SLC2A13: variants seen among roughly 807,000 people sequenced by gnomAD.
The protein encoded by SLC2A13 is solute carrier family 2 member 13, also known as proton myo-inositol cotransporter.
Under a neutral mutation model 64.4 loss-of-function variants are expected in SLC2A13, and 32 were observed. The ratio of observed to expected loss-of-function variants is 0.50; its 90% CI spans 0.37 to 0.67. SLC2A13 has a LOEUF of 0.67. SLC2A13 is among the 30% of genes least tolerant of loss of function. The probability of loss-of-function intolerance (pLI) is 0.00; values close to 1 mark genes in which losing one functional copy is unlikely to be tolerated. For missense variants in SLC2A13, 743 were observed against 829.2 expected, an observed-to-expected ratio of 0.90 and a Z score of 1.28; for synonymous variants, 338 against 327.1, an observed-to-expected ratio of 1.03 and a Z score of -0.36.
intron 3 of SLC2A13, among the ~76,000 whole-genome samples, chr12:39,953,785 A>T (rs1184745016): frequency 6.6e-6 from 1 of 152,176 alleles, no homozygotes; most frequent in Non-Finnish European, 1.5e-5. Flanking sequence ...TCCCAAAATG[A>T]GCTCATCCCT....
At chr12:39,887,786 AG>A (rs1363798610) in intron 4 of SLC2A13, among the ~76,000 whole-genome samples, 4 of 152,232 alleles carry the variant, frequency 2.6e-5, no homozygotes, top group African/African-American at 9.6e-5. Flanking sequence ...AAGGAATAGA[AG>A]TGACAGTATC....
At chr12:39,870,620 C>T (rs1326983062) in intron 5 of SLC2A13, among the ~76,000 whole-genome samples, 2 of 152,158 alleles carry the variant, frequency 1.3e-5, no homozygotes, top group East Asian at 3.8e-4. Context: ...CTTTACTTGT[C>T]CCTCACTTTT....
chr12:39,906,472 C>A (rs1221027755), intron 4 of SLC2A13, among the ~76,000 whole-genome samples: 2 of 152,040 alleles, frequency 1.3e-5, no homozygotes, highest in Non-Finnish European at 1.5e-5. Context: ...GGGAAAGTTA[C>A]AGCATTTAAC....
chr12:40,054,480 A>C (rs1028493026), intron 1 of SLC2A13, among the ~76,000 whole-genome samples: 1 of 123,918 alleles, frequency 8.1e-6, no homozygotes, highest in Admixed American at 8.0e-5. Context: ...TAGAGTAAAC[A>C]TAACCACAAA....
intron 7 of SLC2A13, among the ~76,000 whole-genome samples, chr12:39,796,851 T>G (rs1941592974): frequency 6.7e-6 from 1 of 148,610 alleles, no homozygotes; most frequent in Non-Finnish European, 1.5e-5. Flanking sequence ...CCATGGACAT[T>G]TATGCACCTT....
intron 7 of SLC2A13, among the ~76,000 whole-genome samples, chr12:39,773,666 T>A (rs1296533941): frequency 6.6e-6 from 1 of 152,214 alleles, no homozygotes; most frequent in East Asian, 1.9e-4. Flanking sequence ...ACATGCTGTC[T>A]ATATTGCCCC....
intron 6 of SLC2A13, among the ~76,000 whole-genome samples, chr12:39,836,424 G>A (rs754684698): frequency 2.6e-5 from 4 of 151,994 alleles, no homozygotes; most frequent in South Asian, 2.1e-4. Context: ...GGAGAAAATC[G>A]GCATAAGACA....
In SLC2A13 at chr12:39,896,546, GTGTA is replaced by G. The variant is rs1192175462; in HGVS notation, c.1035-24589_1035-24586del. Among the ~76,000 whole-genome samples the G allele has an allele frequency of 2.1e-5, 3 of 141,112 alleles. No homozygotes were observed. In the East Asian group the frequency reaches 6.5e-4, roughly 31 times the overall value. The allele number at this position is 141,112 out of a possible 152,430, so 92.6% of individuals were successfully genotyped here. A position where few individuals can be genotyped will look rare whatever the true frequency, so the allele number is the denominator to read the frequency against. On this transcript the variant is annotated intron_variant, in intron 4 of 9. Coordinates refer to ENST00000280871, the MANE Select transcript of SLC2A13 (RefSeq NM_052885.4). ...CATGTATACATGTATGTATGTATGT[GTGTA>G]TACATGTATACATATATGTATGTAT...
chr12:40,069,227 CAA>C (rs1273640469), intron 1 of SLC2A13, among the ~76,000 whole-genome samples: 1 of 151,966 alleles, frequency 6.6e-6, no homozygotes, highest in African/African-American at 2.4e-5. Flanking sequence ...TCTAAAATCT[CAA>C]AGTCTTTCTG....
intron 4 of SLC2A13, among the ~76,000 whole-genome samples, chr12:39,889,529 C>CT (rs56189217): frequency 0.079 from 9,483 of 119,792 alleles, 510 homozygotes; most frequent in Non-Finnish European, 0.1. Flanking sequence ...GGTAAACAAC[C>CT]TTTTTTTTTT....
At chr12:39,898,663 C>T (rs1483939260) in intron 4 of SLC2A13, among the ~76,000 whole-genome samples, 1 of 152,136 alleles carries the variant, frequency 6.6e-6, no homozygotes, top group East Asian at 1.9e-4. Context: ...ACATACAAGG[C>T]ATTGAGACCT....
intron 4 of SLC2A13, among the ~76,000 whole-genome samples, chr12:39,876,072 A>G (rs562502976): frequency 2.6e-5 from 4 of 152,194 alleles, no homozygotes; most frequent in Non-Finnish European, 4.4e-5. Flanking sequence ...CAGACAAACT[A>G]TCATCTTCTT....
At chr12:40,080,867 C>T (rs1433470945) in intron 1 of SLC2A13, among the ~76,000 whole-genome samples, 1 of 152,172 alleles carries the variant, frequency 6.6e-6, no homozygotes, top group East Asian at 1.9e-4. Context: ...TTAGCACTTG[C>T]TTAAGCATCT....
chr12:39,761,888 C>A (rs1321827061), intron 9 of SLC2A13, among the ~76,000 whole-genome samples: 1 of 152,038 alleles, frequency 6.6e-6, no homozygotes, highest in Non-Finnish European at 1.5e-5. Context: ...CATTATCTTT[C>A]ACAATTTGGG....
intron 3 of SLC2A13, among the ~76,000 whole-genome samples, chr12:40,002,638 A>G (rs1468180734): frequency 3.3e-5 from 5 of 152,240 alleles, no homozygotes; most frequent in Non-Finnish European, 7.3e-5. Flanking sequence ...GTCATGAGCT[A>G]GGAACTCTCT....
In SLC2A13 at chr12:40,009,825, A is replaced by C. The variant is rs28370762; in HGVS notation, c.925+18476T>G. Among the ~76,000 whole-genome samples the C allele has an allele frequency of 7.6e-3, 1,152 of 152,326 alleles. 14 individuals carry two copies. Among genetic ancestry groups the C allele is most frequent in the African/African-American group, 0.026 (1,092 of 41,576 alleles). On this transcript the variant is annotated intron_variant, in intron 3 of 9. Coordinates refer to ENST00000280871, the MANE Select transcript of SLC2A13 (RefSeq NM_052885.4). ...ATGGGTCCTAAAACAAAATAATACTAAGTCAAAAGCCATCTGAAGAAGAGG... is the reference window on the plus strand; with the variant it reads ...ATGGGTCCTAAAACAAAATAATACTCAGTCAAAAGCCATCTGAAGAAGAGG...
At chr12:39,885,301 T>C (rs902594007) in intron 4 of SLC2A13, among the ~76,000 whole-genome samples, 14 of 152,104 alleles carry the variant, frequency 9.2e-5, no homozygotes, top group African/African-American at 3.1e-4. Flanking sequence ...CATCTCCCGA[T>C]GAAAAGAGTG....
At chr12:39,891,612 G>A (rs961348489) in intron 4 of SLC2A13, among the ~76,000 whole-genome samples, 1 of 152,142 alleles carries the variant, frequency 6.6e-6, no homozygotes, top group Non-Finnish European at 1.5e-5. Flanking sequence ...GAAATAATGA[G>A]TATCATTTTC....
At chr12:39,942,003 G>A (rs563191964) in intron 4 of SLC2A13, among the ~76,000 whole-genome samples, 2 of 152,198 alleles carry the variant, frequency 1.3e-5, no homozygotes, top group South Asian at 2.1e-4. Flanking sequence ...TTGCATTGTC[G>A]AAGATCAGTT....
Sources: allele counts gnomAD v4.1 joint callset (sites outside exome capture counted in the v4.1 genomes callset), GRCh38; gene constraint gnomAD v4.1.1; transcripts MANE v1.5; gene names NCBI Gene and HGNC (gene_info 2026-07-23, HGNC 2026-07-21).